The following KIDINS220 variants were observed in gnomAD, a reference collection of about 807,000 sequenced individuals.
The protein encoded by KIDINS220 is kinase D interacting substrate 220.
A neutral mutation model predicts 157.6 loss-of-function variants in KIDINS220; 63 were observed. The ratio of observed to expected loss-of-function variants is 0.40; its 90% CI spans 0.33 to 0.49. KIDINS220 has a LOEUF of 0.49. Among genes scored for constraint, KIDINS220 ranks in the 20% least tolerant of loss-of-function variants. The probability of loss-of-function intolerance (pLI) is 0.66; values close to 1 mark genes in which losing one functional copy is unlikely to be tolerated. For synonymous variants in KIDINS220, 732 were observed against 783.6 expected, an observed-to-expected ratio of 0.93 and a Z score of 1.10; for missense variants, 1,772 against 2,171.2, an observed-to-expected ratio of 0.82 and a Z score of 3.65.
At chr2:8,757,492 G>A in intron 22 of KIDINS220, 1 of 1,398,710 alleles carries the variant, frequency 7.1e-7, no homozygotes, top group Non-Finnish European at 9.3e-7. Context: ...TCATTTCAGA[G>A]GAGCAGAAGT....
intron 9 of KIDINS220, among the ~76,000 whole-genome samples, chr2:8,798,885 A>T (rs1213080276): frequency 6.6e-6 from 1 of 152,208 alleles, no homozygotes; most frequent in Non-Finnish European, 1.5e-5. Flanking sequence ...AACACAGAAG[A>T]GGACTCACAG....
At chr2:8,820,088 G>A (rs1056973933) in intron 2 of KIDINS220, among the ~76,000 whole-genome samples, 2 of 152,042 alleles carry the variant, frequency 1.3e-5, no homozygotes, top group African/African-American at 4.8e-5. Context: ...GATAAGAACC[G>A]ACATCCTTAC....
intron 20 of KIDINS220, 49 bp from the exon 21 acceptor site, chr2:8,776,941 G>T: frequency 1.3e-6 from 2 of 1,566,916 alleles, no homozygotes; most frequent in South Asian, 1.2e-5. Context: ...TCCAGTCTAA[G>T]AACTTAAGGC....
intron 6 of KIDINS220, among the ~76,000 whole-genome samples, chr2:8,808,648 T>A (rs1358367818): frequency 6.6e-6 from 1 of 152,232 alleles, no homozygotes; most frequent in Non-Finnish European, 1.5e-5. Context: ...CAAATTCTGG[T>A]CTCTATCCCT....
chr2:8,728,256 C>T (rs1484752810), downstream of KIDINS220, among the ~76,000 whole-genome samples: 4 of 152,088 alleles, frequency 2.6e-5, no homozygotes, highest in Admixed American at 6.5e-5. Flanking sequence ...CCCAGGAGGT[C>T]GAGGCTGCAG....
intron 22 of KIDINS220, among the ~76,000 whole-genome samples, chr2:8,759,264 G>A (rs1411658182): frequency 6.6e-6 from 1 of 152,056 alleles, no homozygotes; most frequent in Non-Finnish European, 1.5e-5. Flanking sequence ...GGTGTGATTA[G>A]GGTTAAATAG....
intron 13 of KIDINS220, 90 bp from the exon 14 acceptor site, chr2:8,790,149 TA>T: frequency 8.1e-7 from 1 of 1,227,546 alleles, no homozygotes; most frequent in Non-Finnish European, 1.1e-6. Context: ...ATTTTCAATG[TA>T]AACATTTATT....
intron 21 of KIDINS220, among the ~76,000 whole-genome samples, chr2:8,772,262 G>T (rs1670333445): frequency 6.6e-6 from 1 of 152,102 alleles, no homozygotes; most frequent in African/African-American, 2.4e-5. Flanking sequence ...GACCATTTGA[G>T]GTCAGGAGTT....
chr2:8,823,473 A>G (rs1485431831), intron 2 of KIDINS220, among the ~76,000 whole-genome samples: 4 of 151,754 alleles, frequency 2.6e-5, no homozygotes, highest in Non-Finnish European at 4.4e-5. Flanking sequence ...ACACTGAGCC[A>G]TAACTGAAAA....
chr2:8,737,850 T>C (rs948897248), intron 26 of KIDINS220, among the ~76,000 whole-genome samples: 3 of 152,234 alleles, frequency 2.0e-5, no homozygotes, highest in Non-Finnish European at 4.4e-5. Context: ...GTAGTAAACC[T>C]GAACCAGAAC....
chr2:8,800,362 A>G, intron 9 of KIDINS220, 38 bp downstream of exon 9: 1 of 1,303,660 alleles, frequency 7.7e-7, no homozygotes, highest in Non-Finnish European at 1.1e-6. Flanking sequence ...ACATGCAATT[A>G]TACTCTAAGA....
At chr2:8,823,760 A>G (rs1022013103) in intron 2 of KIDINS220, among the ~76,000 whole-genome samples, 1 of 152,198 alleles carries the variant, frequency 6.6e-6, no homozygotes, top group Non-Finnish European at 1.5e-5. Flanking sequence ...GTTATTCCAA[A>G]TATGCTAACA....
At chr2:8,836,836 C>T (rs1468988903) in intron 1 of KIDINS220, among the ~76,000 whole-genome samples, 3 of 152,156 alleles carry the variant, frequency 2.0e-5, no homozygotes, top group Non-Finnish European at 4.4e-5. Context: ...GCAGAGATGG[C>T]TGCATAGTTA....
At chr2:8,795,806 C>G (rs1487426889) in intron 11 of KIDINS220, among the ~76,000 whole-genome samples, 3 of 152,100 alleles carry the variant, frequency 2.0e-5, no homozygotes, top group Admixed American at 2.0e-4. Context: ...GGTTCTGTAT[C>G]GCAAATTGGG....
intron 22 of KIDINS220, among the ~76,000 whole-genome samples, chr2:8,766,291 C>T (rs1669484289): frequency 6.6e-6 from 1 of 152,266 alleles, no homozygotes; most frequent in Admixed American, 6.5e-5. Context: ...GAACTGTTCC[C>T]TCTGCCTGGA....
chr2:8,775,135 AATAG>A (rs1463749125), intron 21 of KIDINS220, among the ~76,000 whole-genome samples: 4 of 152,242 alleles, frequency 2.6e-5, no homozygotes, highest in Admixed American at 6.5e-5. Context: ...GAGTTGGATT[AATAG>A]ATAGGAAAGA....
intron 22 of KIDINS220, among the ~76,000 whole-genome samples, chr2:8,765,408 T>C (rs2148132214): frequency 6.6e-6 from 1 of 152,286 alleles, no homozygotes; most frequent in Non-Finnish European, 1.5e-5. Context: ...CAGGGGTTTG[T>C]ATATCAGAGA....
intron 28 of KIDINS220, among the ~76,000 whole-genome samples, chr2:8,734,056 T>C (rs953839354): frequency 6.6e-6 from 1 of 152,030 alleles, no homozygotes; most frequent in Non-Finnish European, 1.5e-5. Context: ...GTAAGCAGTC[T>C]CACTACAGAA....
chr2:8,760,582 T>C (rs1668620158), intron 22 of KIDINS220, among the ~76,000 whole-genome samples: 1 of 152,206 alleles, frequency 6.6e-6, no homozygotes, highest in Non-Finnish European at 1.5e-5. Flanking sequence ...ACCGGTAACA[T>C]TTCTGTCTAC....
Sources: allele counts gnomAD v4.1 joint callset (sites outside exome capture counted in the v4.1 genomes callset), GRCh38; gene constraint gnomAD v4.1.1; transcripts MANE v1.5; gene names NCBI Gene and HGNC (gene_info 2026-07-23, HGNC 2026-07-21).